Variants in TXNDC12 observed in about 807,000 individuals in gnomAD.
TXNDC12 encodes thioredoxin domain containing 12, also known as thioredoxin domain-containing protein 12.
TXNDC12 carries 22 observed loss-of-function variants against 24.2 expected under a neutral mutation model. The ratio of observed to expected loss-of-function variants is 0.91; its 90% confidence interval spans 0.65 to 1.30. TXNDC12 has a LOEUF of 1.30. TXNDC12 is among the 50% of genes most tolerant of loss of function. TXNDC12 has a pLI of 0.00. For synonymous variants in TXNDC12, 58 were observed against 73.4 expected, an observed-to-expected ratio of 0.79 and a Z score of 1.07; for missense variants, 184 against 205.8, an observed-to-expected ratio of 0.89 and a Z score of 0.65.
chr1:52,038,424 C>G (rs1021597486), intron 2 of TXNDC12, among the ~76,000 whole-genome samples: 8 of 151,964 alleles, frequency 5.3e-5, no homozygotes, highest in African/African-American at 1.5e-4. Context: ...GATTCTCCTG[C>G]CTCAGCCTCC....
Position 52,032,657 on chromosome 1 carries a change from T to C in TXNDC12, c.159-4027A>G, listed in dbSNP as rs187383625. ...TTTTTCCCAGAGAAATAAAGTGGAGTGGAGATCAGAAGCCATGGCTTCCCC... is the reference window on the plus strand; with the variant it reads ...TTTTTCCCAGAGAAATAAAGTGGAGCGGAGATCAGAAGCCATGGCTTCCCC... On this transcript the variant is annotated intron_variant, in intron 2 of 6. Coordinates refer to ENST00000371626, the MANE Select transcript of TXNDC12 (RefSeq NM_015913.4). 1,222 of 1,546,356 alleles carry C rather than the reference T, an allele frequency of 7.9e-4. 4 individuals are homozygous for C. The African/African-American group carries it at 0.015, about 19-fold the overall frequency.
intron 1 of TXNDC12, among the ~76,000 whole-genome samples, chr1:52,048,624 T>C (rs570921939): frequency 6.6e-6 from 1 of 152,320 alleles, no homozygotes; most frequent in East Asian, 1.9e-4. Context: ...CCCATTACTT[T>C]GGGAGGCTGA....
intron 1 of TXNDC12, among the ~76,000 whole-genome samples, chr1:52,046,864 AAAAT>A (rs1235683478): frequency 0.011 from 386 of 34,118 alleles, 1 homozygote; most frequent in Middle Eastern, 0.019. Flanking sequence ...AAAAAAAAAA[AAAAT>A]ATATATATAT....
Position 52,029,935 on chromosome 1 carries a change from G to A in TXNDC12, c.159-1305C>T, listed in dbSNP as rs192364078. On this transcript the variant is annotated intron_variant, in intron 2 of 6. Coordinates refer to ENST00000371626, the MANE Select transcript of TXNDC12 (RefSeq NM_015913.4). The stretch of plus-strand genomic sequence containing the variant: ...CCATAATAGCCAAAATGTGCTGAAC[G>A]TTTATTATATGACATTGTGCTGTAT... Among the ~76,000 whole-genome samples, 7 of 152,188 alleles carry A rather than the reference G, an allele frequency of 4.6e-5. No individual in the cohort carries two copies. The East Asian group carries it at 1.3e-3, about 29-fold the overall frequency.
At chr1:52,025,221 CTTT>C (rs1229139020) in intron 4 of TXNDC12, among the ~76,000 whole-genome samples, 8 of 141,778 alleles carry the variant, frequency 5.6e-5, no homozygotes, top group African/African-American at 5.1e-5. Context: ...AATCAGTTTT[CTTT>C]TTTTTTTTTT....
intron 2 of TXNDC12, among the ~76,000 whole-genome samples, chr1:52,031,893 G>A (rs1379977778): frequency 6.6e-6 from 1 of 152,178 alleles, no homozygotes; most frequent in Non-Finnish European, 1.5e-5. Context: ...AAGAATGAAA[G>A]ACAAGCTTAC....
chr1:52,034,623 C>CT (rs1048689795), intron 2 of TXNDC12, among the ~76,000 whole-genome samples: 1 of 151,686 alleles, frequency 6.6e-6, no homozygotes, highest in African/African-American at 2.4e-5. Context: ...TTTATTTTTT[C>CT]TTTTTTAGAG....
intron 1 of TXNDC12, among the ~76,000 whole-genome samples, chr1:52,048,339 G>A (rs1018072233): frequency 1.3e-5 from 2 of 152,052 alleles, no homozygotes; most frequent in African/African-American, 4.8e-5. Context: ...AGTGGCATGT[G>A]CCTATAGTCC....
At chr1:52,034,043 T>C in intron 2 of TXNDC12, 1 of 1,381,244 alleles carries the variant, frequency 7.2e-7, no homozygotes, top group Non-Finnish European at 9.3e-7. Flanking sequence ...TCCATTTTAT[T>C]AATAAGGCCT....
At chr1:52,021,540 A>G (rs1011027592) in intron 6 of TXNDC12, among the ~76,000 whole-genome samples, 32 of 142,244 alleles carry the variant, frequency 2.2e-4, no homozygotes, top group African/African-American at 8.4e-4. Context: ...CTATACATGG[A>G]TGAAGCCAAG....
intron 2 of TXNDC12, among the ~76,000 whole-genome samples, chr1:52,031,252 C>T (rs918593374): frequency 2.0e-5 from 3 of 151,436 alleles, no homozygotes; most frequent in Non-Finnish European, 4.4e-5. Flanking sequence ...CTCCGCCTCC[C>T]GGGTTCAAGC....
intron 1 of TXNDC12, 100 bp from the exon 2 acceptor site, chr1:52,041,697 T>C: frequency 1.3e-6 from 1 of 742,336 alleles, no homozygotes; most frequent in Non-Finnish European, 2.2e-6. Flanking sequence ...AAGAAGGTTT[T>C]CTTCTGTCAA....
chr1:52,033,749 C>G (rs1685828167), intron 2 of TXNDC12: 1 of 1,599,130 alleles, frequency 6.3e-7, no homozygotes, highest in African/African-American at 1.3e-5. Flanking sequence ...CCGCAAAACA[C>G]CACGAGCGGC....
At chr1:52,025,114 T>A (rs1280548602) in intron 4 of TXNDC12, among the ~76,000 whole-genome samples, 1 of 152,254 alleles carries the variant, frequency 6.6e-6, no homozygotes, top group Admixed American at 6.5e-5. Context: ...CATCATTGAC[T>A]TGCACATAGT....
intron 1 of TXNDC12, among the ~76,000 whole-genome samples, chr1:52,045,448 AGAG>A (rs754121936): frequency 3.9e-5 from 6 of 152,152 alleles, no homozygotes; most frequent in Non-Finnish European, 5.9e-5. Context: ...CCTTATGAGA[AGAG>A]GAGATTAGGA....
intron 2 of TXNDC12, chr1:52,032,651 G>C: frequency 6.5e-7 from 1 of 1,543,500 alleles, no homozygotes; most frequent in Non-Finnish European, 8.7e-7. Flanking sequence ...GAGAAATAAA[G>C]TGGAGTGGAG....
intron 1 of TXNDC12, among the ~76,000 whole-genome samples, chr1:52,053,480 T>C (rs950282684): frequency 4.0e-5 from 6 of 151,894 alleles, no homozygotes; most frequent in East Asian, 1.9e-4. Context: ...CTTGCCAACA[T>C]AGTGAAACCC....
At position 52,053,620 on chromosome 1, in the gene TXNDC12, T is replaced by C. The variant is rs184984366; in HGVS notation, c.97+1380A>G. Among the ~76,000 whole-genome samples the C allele has an allele frequency of 1.5e-3, 232 of 152,174 alleles. 1 individual carries two copies. The highest frequency in any genetic ancestry group is 5.4e-3 in the African/African-American group (225 of 41,534). ...CGGAGGTTGCAGTGAGCCAAGATCA[T>C]GCCACTGGACTCCAGCCCGAGCAAC... On this transcript the variant is annotated intron_variant, in intron 1 of 6. Transcript: ENST00000371626.
intron 1 of TXNDC12, among the ~76,000 whole-genome samples, chr1:52,052,908 T>A (rs1216073865): frequency 6.6e-6 from 1 of 152,108 alleles, no homozygotes; most frequent in Non-Finnish European, 1.5e-5. Context: ...GTTAAGAAAC[T>A]TGCCCAAGGC....
Sources: allele counts gnomAD v4.1 joint callset (sites outside exome capture counted in the v4.1 genomes callset), GRCh38; gene constraint gnomAD v4.1.1; transcripts MANE v1.5; gene names NCBI Gene and HGNC (gene_info 2026-07-23, HGNC 2026-07-21).